Variants in IL1RL1 observed in about 807,000 individuals in gnomAD.
The protein encoded by IL1RL1 is interleukin 1 receptor like 1.
A neutral mutation model predicts 50.9 loss-of-function variants in IL1RL1; 32 were observed. The ratio of observed to expected loss-of-function variants is 0.63; its 90% CI spans 0.47 to 0.84. IL1RL1 has a LOEUF of 0.84. Ranked by LOEUF, IL1RL1 falls within the 40% of genes least tolerant of loss-of-function variation. The pLI, the probability that IL1RL1 is intolerant of heterozygous loss-of-function variation, is 0.00. For missense variants in IL1RL1, 773 were observed against 662.9 expected, an observed-to-expected ratio of 1.17 and a Z score of -1.82; for synonymous variants, 275 against 236.0, an observed-to-expected ratio of 1.17 and a Z score of -1.51.
At chr2:102,317,714 TAAACTC>T (rs2104960506) in intron 1 of IL1RL1, among the ~76,000 whole-genome samples, 1 of 152,288 alleles carries the variant, frequency 6.6e-6, no homozygotes, top group South Asian at 2.1e-4. Context: ...GATCCTCATA[TAAACTC>T]AACCATAGAC....
chr2:102,324,921 G>T (rs1676948195), intron 1 of IL1RL1, among the ~76,000 whole-genome samples: 1 of 152,196 alleles, frequency 6.6e-6, no homozygotes, highest in Non-Finnish European at 1.5e-5. Flanking sequence ...CTGCACCTCT[G>T]GGGGCAGGGC....
chr2:102,343,805 ATGGTCCGTTCTATACCTTTTTC>A, intron 8 of IL1RL1: 1 of 1,090,508 alleles, frequency 9.2e-7, no homozygotes, highest in Non-Finnish European at 1.1e-6. Context: ...TGTTGTAAGC[ATGGTCCGTTCTATACCTTTTTC>A]TGGTCATAAT....
Position 102,324,850 on chromosome 2 carries a change from C to T in IL1RL1, c.-150+13227C>T, listed in dbSNP as rs895802883. Reference sequence around the variant, plus strand: ...GGCTTGAGTGGGTAAACAAAGCAGCCGGGAAGCTCGAACTGGGTAGAGCCC... The same window carrying T: ...GGCTTGAGTGGGTAAACAAAGCAGCTGGGAAGCTCGAACTGGGTAGAGCCC... On this transcript the variant is annotated intron_variant, in intron 1 of 10. Transcript: ENST00000233954. 6.6e-5 allele frequency among the ~76,000 whole-genome samples: 10 copies of T among 152,170 alleles called. No homozygotes were observed. The South Asian group carries it at 1.2e-3, about 19-fold the overall frequency.
At chr2:102,347,883 T>C (rs961366466) in intron 8 of IL1RL1, 62 bp from the exon 9 acceptor site, 4 of 954,022 alleles carry the variant, frequency 4.2e-6, no homozygotes, top group Middle Eastern at 3.1e-4. Context: ...CCAACATCCA[T>C]GTATCAGTTT....
chr2:102,345,881 C>T (rs62152662), intron 8 of IL1RL1: 88,520 of 985,046 alleles, frequency 0.09, 4,223 homozygotes, highest in Non-Finnish European at 0.096. Flanking sequence ...ATCCATCCAG[C>T]CTGCCCACTC....
At chr2:102,348,951 C>A in intron 9 of IL1RL1, 128 bp from the exon 10 acceptor site, 1 of 672,480 alleles carries the variant, frequency 1.5e-6, no homozygotes, top group Non-Finnish European at 2.6e-6. Flanking sequence ...TCTCTTGAGT[C>A]TAGAATATTT....
Position 102,349,114 on chromosome 2 carries a change from C to T in IL1RL1, c.1153C>T (p.Arg385Trp), listed in dbSNP as rs187567035. The change falls in exon 10 of 11, where the codon CGG (arginine) becomes TGG (tryptophan). Residue 385 changes from arginine to tryptophan, a missense_variant. Coordinates refer to ENST00000233954, the MANE Select transcript of IL1RL1 (RefSeq NM_016232.5). ...CTATGATGCTTATGTTGTCTACCCA[C>T]GGAACTACAAATCCAGTACAGATGG... ...KLYDAYVVYP[R>W]NYKSSTDGAS... 102 of 1,613,546 alleles carry T rather than the reference C, an allele frequency of 6.3e-5. No individual in the cohort carries two copies. The highest frequency in any genetic ancestry group is 8.3e-5 in the Admixed American group (5 of 60,016).
rs1218916989 is a variant in IL1RL1 at position 102,311,614 on chromosome 2, C to A, written c.-159C>A. 6.7e-6 allele frequency: 1 copy of A among 148,830 alleles called. No homozygotes were observed. Among genetic ancestry groups the A allele is most frequent in the Non-Finnish European group, 1.5e-5 (1 of 67,832 alleles). The allele number at this position is 148,830 out of a possible 1,614,324, so 9.2% of individuals were successfully genotyped here. A position where few individuals can be genotyped will look rare whatever the true frequency, so the allele number is the denominator to read the frequency against. On this transcript the variant is annotated 5_prime_UTR_variant, in exon 1 of 11. Coordinates refer to ENST00000233954, the MANE Select transcript of IL1RL1 (RefSeq NM_016232.5). ...TGAGGAAGAAAGAACTCAAGTACAA[C>A]CCAATGAGGGTAAGTGGCTTTGGGG...
intron 6 of IL1RL1, 44 bp from the exon 7 acceptor site, chr2:102,342,992 C>G (rs760313036): frequency 1.6e-5 from 26 of 1,585,252 alleles, no homozygotes; most frequent in Non-Finnish European, 2.2e-5. Context: ...AAATGCCAGT[C>G]GCAGAAGTTA....
At chr2:102,345,112 G>A in intron 8 of IL1RL1, 1 of 869,066 alleles carries the variant, frequency 1.2e-6, no homozygotes, top group Non-Finnish European at 1.4e-6. Context: ...TTTCTACAGA[G>A]TTTTCAAAAC....
intron 8 of IL1RL1, 69 bp downstream of exon 8, chr2:102,343,484 G>A: frequency 1.2e-6 from 2 of 1,612,914 alleles, no homozygotes. Context: ...ATGGAGTGTG[G>A]TTCCAAGAGA....
At chr2:102,330,331 G>A (rs1045694148) in intron 1 of IL1RL1, among the ~76,000 whole-genome samples, 7 of 146,974 alleles carry the variant, frequency 4.8e-5, no homozygotes, top group East Asian at 2.2e-4. Context: ...CACACACCAC[G>A]GCCTGTTGTG....
intron 1 of IL1RL1, among the ~76,000 whole-genome samples, chr2:102,324,274 A>G (rs1035934322): frequency 2.6e-5 from 4 of 152,218 alleles, no homozygotes; most frequent in African/African-American, 7.2e-5. Context: ...GTTACACTCC[A>G]TCAATGATGC....
At chr2:102,342,358 T>C (rs1198812859) in intron 6 of IL1RL1, 64 bp downstream of exon 6, 6 of 1,159,948 alleles carry the variant, frequency 5.2e-6, no homozygotes, top group Non-Finnish European at 6.5e-6. Flanking sequence ...TGACCCCTGT[T>C]CTGAATTCCC....
intron 8 of IL1RL1, chr2:102,345,489 G>A: frequency 1.0e-6 from 1 of 985,428 alleles, no homozygotes; most frequent in Non-Finnish European, 1.2e-6. Context: ...GCCAAAGAGT[G>A]TTAAACCCTG....
At chr2:102,314,443 A>G (rs983462836) in intron 1 of IL1RL1, among the ~76,000 whole-genome samples, 1 of 152,204 alleles carries the variant, frequency 6.6e-6, no homozygotes, top group Non-Finnish European at 1.5e-5. Context: ...CTAATGAAAA[A>G]ACACAGAATA....
At position 102,340,206 on chromosome 2, in the gene IL1RL1, A is replaced by C. The variant is rs1364260067; in HGVS notation, c.381A>C (p.Lys127Asn). 1 of 1,606,482 alleles carries C rather than the reference A, an allele frequency of 6.2e-7. No homozygotes were observed. Among genetic ancestry groups the C allele is most frequent in the South Asian group, 1.1e-5 (1 of 89,432 alleles). The change falls in exon 4 of 11, where the codon AAA (lysine) becomes AAC (asparagine). Residue 127 changes from lysine to asparagine, a missense_variant. Lys to Asn is a moderately conservative substitution (Grantham distance 94). Transcript: ENST00000233954. ...LMYSTVSGSE[K>N]NSKIYCPTID... The stretch of plus-strand genomic sequence containing the variant: ...ATTCAACAGTATCTGGATCAGAAAA[A>C]AATTCCAAAATTTATTGTCCTACCA...
chr2:102,346,112 T>G, intron 8 of IL1RL1: 1 of 935,388 alleles, frequency 1.1e-6, no homozygotes, highest in Non-Finnish European at 1.3e-6. Context: ...TGAGTTGTCA[T>G]GATGAATTCT....
At position 102,351,610 on chromosome 2, in the gene IL1RL1, C is replaced by T. The variant is rs1677935623; in HGVS notation, c.1360C>T (p.His454Tyr). 6.2e-7 allele frequency: 1 copy of T among 1,613,972 alleles called. No individual in the cohort carries two copies. The highest frequency in any genetic ancestry group is 1.1e-5 in the South Asian group (1 of 91,090). ...HIFILTPQIT[H>Y]NKEFAYEQEV... ...TTTCATCCTGACCCCTCAGATCACT[C>T]ACAATAAGGAGTTTGCCTACGAGCA... The change falls in exon 11 of 11, where the codon CAC becomes TAC. Residue 454 changes from histidine (H) to tyrosine (Y), a missense_variant. By Grantham distance (83) the His-to-Tyr change is moderately conservative. Coordinates refer to ENST00000233954, the MANE Select transcript of IL1RL1 (RefSeq NM_016232.5).
Sources: gnomAD v4.1 joint callset for allele counts (sites outside exome capture counted in the v4.1 genomes callset) on GRCh38, gnomAD v4.1.1 for gene constraint, MANE v1.5 for transcripts, NCBI Gene and HGNC (gene_info 2026-07-23, HGNC 2026-07-21) for gene names.